The following LONP2 variants were observed in gnomAD, a reference collection of about 807,000 sequenced individuals.
The protein encoded by LONP2 is lon peptidase 2, peroxisomal, also known as lon protease homolog 2, peroxisomal.
In LONP2, 60 loss-of-function variants were observed where a neutral mutation model predicts 85.6. That is an observed-to-expected ratio of 0.70 (90% CI 0.57 to 0.87). LONP2 has a LOEUF of 0.87. Ranked by LOEUF, LONP2 falls within the 40% of genes least tolerant of loss-of-function variation. The pLI, the probability that LONP2 is intolerant of heterozygous loss-of-function variation, is 0.00. For missense variants in LONP2, 860 were observed against 1,063.5 expected, an observed-to-expected ratio of 0.81 and a Z score of 2.66; for synonymous variants, 395 against 389.7, an observed-to-expected ratio of 1.01 and a Z score of -0.16.
chr16:48,253,787 A>G (rs1475791398), intron 2 of LONP2, among the ~76,000 whole-genome samples: 1 of 152,208 alleles, frequency 6.6e-6, no homozygotes, highest in Non-Finnish European at 1.5e-5. Flanking sequence ...TTAGAAATAA[A>G]TAGATCACCA....
chr16:48,279,515 A>G (rs548406239), intron 8 of LONP2, among the ~76,000 whole-genome samples: 1 of 152,260 alleles, frequency 6.6e-6, no homozygotes, highest in Non-Finnish European at 1.5e-5. Flanking sequence ...GTATCACTGC[A>G]TTCAGCATCC....
At chr16:48,332,476 C>A (rs1234310479) in intron 11 of LONP2, among the ~76,000 whole-genome samples, 1 of 152,092 alleles carries the variant, frequency 6.6e-6, no homozygotes, top group East Asian at 1.9e-4. Flanking sequence ...GTTTGGGAGG[C>A]TGAGGTGGGC....
chr16:48,342,124 T>C (rs980892889), intron 12 of LONP2, among the ~76,000 whole-genome samples: 2 of 152,218 alleles, frequency 1.3e-5, no homozygotes, highest in African/African-American at 4.8e-5. Flanking sequence ...TGTCATTTGA[T>C]TATTCCTGAC....
At chr16:48,261,402 A>C in intron 4 of LONP2, 22 bp from the exon 5 acceptor site, 1 of 1,540,776 alleles carries the variant, frequency 6.5e-7, no homozygotes. Context: ...ATACGGTTTT[A>C]CTTTTCTGCT....
chr16:48,301,447 C>A (rs559931486), intron 10 of LONP2, among the ~76,000 whole-genome samples: 28 of 152,298 alleles, frequency 1.8e-4, no homozygotes, highest in African/African-American at 6.5e-4. Context: ...CTCAAGCCAT[C>A]TTGCCATCTC....
rs140102756 is a variant in LONP2 at position 48,320,603 on chromosome 16, A to G, written c.1796-13613A>G. Among the ~76,000 whole-genome samples the G allele has an allele frequency of 1.9e-3, 287 of 152,318 alleles. 1 individual carries two copies. Among genetic ancestry groups the G allele is most frequent in the African/African-American group, 6.6e-3 (274 of 41,580 alleles). On this transcript the variant is annotated intron_variant, in intron 11 of 14. Transcript: ENST00000285737. ...TGCATTTGATGGGATACTAGGCAGT[A>G]TGCTATGTCCAAACTTCTAAAATCA... is the stretch of plus-strand genomic sequence containing the variant.
intron 12 of LONP2, chr16:48,345,547 TAAG>T (rs1474248282): frequency 6.6e-6 from 1 of 152,220 alleles, no homozygotes; most frequent in East Asian, 1.9e-4. Context: ...TGATTTTCCT[TAAG>T]TAGTACTGAT....
intron 12 of LONP2, among the ~76,000 whole-genome samples, chr16:48,336,196 T>G (rs1360659092): frequency 6.6e-6 from 1 of 152,226 alleles, no homozygotes; most frequent in Non-Finnish European, 1.5e-5. Context: ...TTGGAAGCAT[T>G]GCTGACATTC....
At position 48,362,517 on chromosome 16, in the gene LONP2, T is replaced by C; in HGVS notation, c.*654T>C. 1 of 1,363,784 alleles carries C rather than the reference T, an allele frequency of 7.3e-7. No homozygotes were observed. The highest frequency in any genetic ancestry group is 1.3e-5 in the South Asian group (1 of 74,430). 84.5% of individuals were successfully genotyped at this position (1,363,784 alleles called of 1,614,324 possible). ...TAATGTTTACATGCCATAAGTCCTTTTAAAGTTTCATACAAAATTTACTGA... is the reference window on the plus strand; with the variant it reads ...TAATGTTTACATGCCATAAGTCCTTCTAAAGTTTCATACAAAATTTACTGA... On this transcript the variant is annotated 3_prime_UTR_variant, in exon 5 of 5. Transcript: ENST00000565867. The surrounding 1 kb of genome is among the most constrained non-coding windows in gnomAD (Gnocchi z 4.2).
intron 1 of LONP2, among the ~76,000 whole-genome samples, chr16:48,245,913 G>A (rs1014689200): frequency 3.3e-5 from 5 of 152,036 alleles, no homozygotes; most frequent in African/African-American, 1.2e-4. Flanking sequence ...TAACTCTACT[G>A]GAGGTGTTGT....
intron 11 of LONP2, among the ~76,000 whole-genome samples, chr16:48,324,106 T>G (rs1443232826): frequency 6.6e-6 from 1 of 152,214 alleles, no homozygotes; most frequent in Non-Finnish European, 1.5e-5. Flanking sequence ...AAAAGATACT[T>G]TGCTTTTCCT....
At chr16:48,340,764 G>T (rs1213323553) in intron 12 of LONP2, among the ~76,000 whole-genome samples, 1 of 151,614 alleles carries the variant, frequency 6.6e-6, no homozygotes, top group East Asian at 2.0e-4. Context: ...ACCAACCTGG[G>T]CAGCAAAGTG....
chr16:48,316,822 T>G (rs1393284816), intron 11 of LONP2, among the ~76,000 whole-genome samples: 1 of 152,238 alleles, frequency 6.6e-6, no homozygotes, highest in African/African-American at 2.4e-5. Context: ...TTTTTCCCCC[T>G]TGATTTCTAG....
rs1403102165 is a variant in LONP2 at position 48,341,029 on chromosome 16, C to T, written c.1939-6478C>T. Among the ~76,000 whole-genome samples, 6 of 152,076 alleles carry T rather than the reference C, an allele frequency of 3.9e-5. No individual in the cohort carries two copies. In the South Asian group the frequency reaches 1.2e-3, roughly 32 times the overall value. ...CATAGCTCCAGCATTAGGCCAGGTG[C>T]ATTGGCTCACACCTGTAATCCCAGC... On this transcript the variant is annotated intron_variant, in intron 12 of 14. Transcript: ENST00000285737.
Position 48,303,292 on chromosome 16 carries a change from G to C in LONP2, c.1782G>C (p.Val594=), listed in dbSNP as rs774131517. 6.2e-7 allele frequency: 1 copy of C among 1,612,766 alleles called. No individual in the cohort carries two copies. Among genetic ancestry groups the C allele is most frequent in the Non-Finnish European group, 8.5e-7 (1 of 1,178,940 alleles). ...AAGCCAAGTTGGACCGTTCTGATGTGACTGAGAGAGAAGGTTGGTGACCTT... is the reference window on the plus strand; with the variant it reads ...AAGCCAAGTTGGACCGTTCTGATGTCACTGAGAGAGAAGGTTGGTGACCTT... ...HKEAKLDRSD[V]TEREGCREHI... The change falls in exon 11 of 15, where the codon GTG becomes GTC. Residue 594 remains valine, a synonymous_variant. Coordinates refer to ENST00000285737, the MANE Select transcript of LONP2 (RefSeq NM_031490.5).
At chr16:48,250,908 G>A (rs1001973055) in intron 1 of LONP2, among the ~76,000 whole-genome samples, 9 of 152,120 alleles carry the variant, frequency 5.9e-5, no homozygotes, top group Non-Finnish European at 1.2e-4. Context: ...AGTTTTTTAT[G>A]TATGTGATTT....
chr16:48,321,140 C>T (rs893201558), intron 11 of LONP2, among the ~76,000 whole-genome samples: 6 of 152,162 alleles, frequency 3.9e-5, no homozygotes, highest in Non-Finnish European at 7.3e-5. Flanking sequence ...CTGTCTCAGC[C>T]TCCTGAAGTG....
chr16:48,265,680 C>T lies in LONP2; in HGVS notation c.982+2808C>T, dbSNP rs1416994072. Among the ~76,000 whole-genome samples, 7 of 152,224 alleles carry T rather than the reference C, an allele frequency of 4.6e-5. 1 individual carries two copies. The highest frequency in any genetic ancestry group is 1.7e-4 in the African/African-American group (7 of 41,534). ...TGGTGCCTCCACGTTTGTTCTTGCT[C>T]AAGATTGGTTTGGCTATTCAGGGTC... On this transcript the variant is annotated intron_variant, in intron 6 of 14. Coordinates refer to ENST00000285737, the MANE Select transcript of LONP2 (RefSeq NM_031490.5).
intron 6 of LONP2, among the ~76,000 whole-genome samples, chr16:48,269,403 G>A (rs1258224621): frequency 6.6e-6 from 1 of 152,132 alleles, no homozygotes; most frequent in African/African-American, 2.4e-5. Context: ...GGAACATTAA[G>A]TAACCATAGA....
Sources: gnomAD v4.1 joint callset for allele counts (sites outside exome capture counted in the v4.1 genomes callset) on GRCh38, gnomAD v4.1.1 for gene constraint, Gnocchi (gnomAD v3.1) non-coding constraint, MANE v1.5 for transcripts, NCBI Gene and HGNC (gene_info 2026-07-23, HGNC 2026-07-21) for gene names.